The following CARMIL1 variants were observed in gnomAD, a reference collection of about 807,000 sequenced individuals.
CARMIL1 encodes capping protein regulator and myosin 1 linker 1.
A neutral mutation model predicts 177.1 loss-of-function variants in CARMIL1; 90 were observed. The ratio of observed to expected loss-of-function variants is 0.51; its 90% CI spans 0.43 to 0.61. CARMIL1 has a LOEUF of 0.61. CARMIL1 is among the 20% of genes least tolerant of loss of function. The pLI is 0.00. For synonymous variants in CARMIL1, 577 were observed against 606.2 expected (o/e 0.95, Z 0.71); for missense variants, 1,380 against 1,667.0 (o/e 0.83, Z 3.00).
chr6:25,458,591 C>T (rs1326961050), intron 8 of CARMIL1, among the ~76,000 whole-genome samples: 1 of 150,972 alleles, frequency 6.6e-6, no homozygotes, highest in Non-Finnish European at 1.5e-5. Context: ...TGTGGATATA[C>T]CATCCTGGTA....
chr6:25,447,116 A>G (rs1431933525), intron 5 of CARMIL1, among the ~76,000 whole-genome samples: 2 of 152,248 alleles, frequency 1.3e-5, no homozygotes, highest in African/African-American at 2.4e-5. Context: ...AAGTGAGCAC[A>G]TGCTGTTGGA....
chr6:25,481,508 C>T (rs1802118508), intron 11 of CARMIL1, among the ~76,000 whole-genome samples: 1 of 152,112 alleles, frequency 6.6e-6, no homozygotes, highest in Non-Finnish European at 1.5e-5. Flanking sequence ...AAGAACATGC[C>T]CCTGGGGAAA....
chr6:25,569,523 C>T (rs570926379), intron 29 of CARMIL1, among the ~76,000 whole-genome samples: 1 of 152,312 alleles, frequency 6.6e-6, no homozygotes, highest in African/African-American at 2.4e-5. Context: ...AATCACCCTC[C>T]ACTCTTTTTA....
chr6:25,414,308 T>G (rs1048158328), intron 2 of CARMIL1, among the ~76,000 whole-genome samples: 1 of 152,158 alleles, frequency 6.6e-6, no homozygotes, highest in Admixed American at 6.6e-5. Flanking sequence ...AGTCCCAGTT[T>G]TCTGGGATGC....
intron 2 of CARMIL1, among the ~76,000 whole-genome samples, chr6:25,300,135 A>C (rs927960467): frequency 6.6e-5 from 10 of 152,274 alleles, no homozygotes; most frequent in African/African-American, 2.4e-4. Flanking sequence ...GTTATGTCTA[A>C]GTCTCGAAAT....
chr6:25,347,989 G>A (rs781460317), intron 2 of CARMIL1, among the ~76,000 whole-genome samples: 7 of 152,156 alleles, frequency 4.6e-5, no homozygotes, highest in Non-Finnish European at 1.0e-4. Flanking sequence ...TAATGTCATC[G>A]ATAGGGTCTT....
intron 11 of CARMIL1, among the ~76,000 whole-genome samples, chr6:25,482,034 G>T (rs1802165178): frequency 6.6e-6 from 1 of 152,180 alleles, no homozygotes; most frequent in African/African-American, 2.4e-5. Context: ...AAAAGTTTCA[G>T]ATATTGTATG....
intron 29 of CARMIL1, among the ~76,000 whole-genome samples, chr6:25,569,869 C>A (rs921140076): frequency 2.6e-5 from 4 of 151,944 alleles, no homozygotes; most frequent in Non-Finnish European, 4.4e-5. Context: ...TAGGGTTTTC[C>A]CCTTTGTTTA....
intron 2 of CARMIL1, among the ~76,000 whole-genome samples, chr6:25,391,092 C>T (rs547220544): frequency 2.6e-5 from 4 of 152,254 alleles, no homozygotes; most frequent in South Asian, 4.1e-4. Context: ...TAAAATAAAC[C>T]GAATGGTTTC....
rs773724846 is a variant in CARMIL1, at chr6:25,288,888, T to C, written c.138+3979T>C. On this transcript the variant is annotated intron_variant, in intron 2 of 36. Coordinates refer to ENST00000329474, the MANE Select transcript of CARMIL1 (RefSeq NM_017640.6). ...GGGGCAGGAGTGTTCTATTCTCAAA[T>C]AAATTTGGCAGAGTGTTAAAGATAA... Among the ~76,000 whole-genome samples the C allele has an allele frequency of 3.9e-4, 59 of 152,286 alleles. No homozygotes were observed. The Middle Eastern group carries it at 0.017, about 44-fold the overall frequency.
At chr6:25,582,954 G>A (rs1013879764) in intron 31 of CARMIL1, among the ~76,000 whole-genome samples, 7 of 152,306 alleles carry the variant, frequency 4.6e-5, no homozygotes, top group African/African-American at 1.4e-4. Context: ...GACTGATAAG[G>A]TTGGGACATG....
intron 32 of CARMIL1, among the ~76,000 whole-genome samples, chr6:25,595,867 G>T (rs1404640369): frequency 6.6e-6 from 1 of 152,104 alleles, no homozygotes; most frequent in South Asian, 2.1e-4. Flanking sequence ...CTTCAGGAGC[G>T]ATACCTGGGC....
At position 25,290,919 on chromosome 6, in the gene CARMIL1, G is replaced by A. The variant is rs77368344; in HGVS notation, c.138+6010G>A. 9.9e-5 allele frequency among the ~76,000 whole-genome samples: 15 copies of A among 152,256 alleles called. No individual in the cohort carries two copies. The East Asian group carries it at 2.9e-3, about 29-fold the overall frequency. ...CTTGAACTGAGCCTTGCCCAGTTCA[G>A]CCTCTTGAGTAGCTGGGACTACAGG... On this transcript the variant is annotated intron_variant, in intron 2 of 36. Coordinates refer to ENST00000329474, the MANE Select transcript of CARMIL1 (RefSeq NM_017640.6).
At chr6:25,375,913 C>A (rs1199102991) in intron 2 of CARMIL1, among the ~76,000 whole-genome samples, 1 of 152,030 alleles carries the variant, frequency 6.6e-6, no homozygotes, top group East Asian at 1.9e-4. Flanking sequence ...TTTCTTTATG[C>A]TGATTTTTAC....
intron 36 of CARMIL1, 66 bp from the exon 37 acceptor site, chr6:25,619,381 C>A: frequency 1.3e-6 from 2 of 1,515,894 alleles, no homozygotes; most frequent in South Asian, 2.6e-5. Context: ...GCATCTCAGC[C>A]CATTATCAGT....
At chr6:25,369,448 A>C (rs1478883148) in intron 2 of CARMIL1, among the ~76,000 whole-genome samples, 1 of 149,206 alleles carries the variant, frequency 6.7e-6, no homozygotes, top group Non-Finnish European at 1.5e-5. Context: ...TCAGATGCTT[A>C]AGACTCCCGT....
At chr6:25,525,306 G>A (rs111377510) in intron 23 of CARMIL1, among the ~76,000 whole-genome samples, 9 of 152,290 alleles carry the variant, frequency 5.9e-5, no homozygotes, top group South Asian at 2.1e-4. Flanking sequence ...AACCATGTAA[G>A]TAAGAAGAGA....
chr6:25,535,491 A>G (rs1808202128), intron 24 of CARMIL1, among the ~76,000 whole-genome samples: 1 of 152,190 alleles, frequency 6.6e-6, no homozygotes, highest in African/African-American at 2.4e-5. Context: ...TAGGAATGAC[A>G]GGGTACATTT....
intron 29 of CARMIL1, among the ~76,000 whole-genome samples, chr6:25,579,259 GAAA>G (rs5875052): frequency 6.9e-6 from 1 of 143,944 alleles, no homozygotes; most frequent in Non-Finnish European, 1.5e-5. Flanking sequence ...CAAGAGTCAG[GAAA>G]AAAAAAAAAA....
Sources: gnomAD v4.1 joint callset for allele counts (sites outside exome capture counted in the v4.1 genomes callset) on GRCh38, gnomAD v4.1.1 for gene constraint, MANE v1.5 for transcripts, NCBI Gene and HGNC (gene_info 2026-07-23, HGNC 2026-07-21) for gene names.